The following GATA5 variants were observed in gnomAD, a reference collection of about 807,000 sequenced individuals.
GATA5 encodes transcription factor GATA-5.
GATA5 carries 27 observed loss-of-function variants against 35.0 expected under a neutral mutation model. The observed-to-expected ratio is 0.77, with a 90% confidence interval of 0.57 to 1.06. The LOEUF is 1.06. GATA5 is among the 50% of genes least tolerant of loss of function. GATA5 has a pLI of 0.00. For missense variants in GATA5, 612 were observed against 580.0 expected (o/e 1.06, Z -0.57); for synonymous variants, 306 against 267.8 (o/e 1.14, Z -1.39).
rs1989700959 is a variant in GATA5, at chr20:62,470,750, G to C, written c.699+2653C>G. Among the ~76,000 whole-genome samples, 1 of 152,178 alleles carries C rather than the reference G, an allele frequency of 6.6e-6. No homozygotes were observed. Among genetic ancestry groups the C allele is most frequent in the African/African-American group, 2.4e-5 (1 of 41,434 alleles). ...TTCAGCCGAGGCTTCAGTGTTCTTG[G>C]GGGTGGGCTGCTTGGGGCCCAAGAG... On this transcript the variant is annotated intron_variant, in intron 3 of 6. Transcript: ENST00000252997. The surrounding 1 kb of genome is among the most constrained non-coding windows in gnomAD (Gnocchi z 4.6).
chr20:62,473,320 T>A, intron 3 of GATA5, 83 bp downstream of exon 3: 1 of 1,448,796 alleles, frequency 6.9e-7, no homozygotes, highest in Non-Finnish European at 9.4e-7. Context: ...CCCCAGGGGC[T>A]CTGGTGTCAC....
chr20:62,467,622 G>C (rs1555896209), intron 3 of GATA5, among the ~76,000 whole-genome samples: 1 of 152,196 alleles, frequency 6.6e-6, no homozygotes, highest in African/African-American at 2.4e-5. Flanking sequence ...GGCCTCTCTT[G>C]CCAGGATCAC....
intron 2 of GATA5, among the ~76,000 whole-genome samples, chr20:62,474,406 G>A (rs902719228): frequency 6.6e-6 from 1 of 152,252 alleles, no homozygotes; most frequent in African/African-American, 2.4e-5. Flanking sequence ...CCAAAGGGCC[G>A]GCGGGGTCCC....
chr20:62,468,723 G>A (rs985126271), intron 3 of GATA5, among the ~76,000 whole-genome samples: 1 of 152,246 alleles, frequency 6.6e-6, no homozygotes, highest in Non-Finnish European at 1.5e-5. Flanking sequence ...CTCCCACCCT[G>A]GGCCAACAGC....
At chr20:62,466,400 C>T (rs782072435) in intron 4 of GATA5, 26 bp downstream of exon 4, 138 of 1,559,002 alleles carry the variant, frequency 8.9e-5, no homozygotes, top group Non-Finnish European at 1.1e-4. Flanking sequence ...GAGGCCTCCC[C>T]GCCCTGCCCC....
intron 3 of GATA5, among the ~76,000 whole-genome samples, chr20:62,469,807 T>C (rs1989679112): frequency 1.3e-5 from 2 of 152,160 alleles, no homozygotes; most frequent in Non-Finnish European, 2.9e-5. Context: ...ATTGTACGAG[T>C]GGGAGGCTGA....
At chr20:62,474,023 C>G (rs1482779307) in intron 2 of GATA5, among the ~76,000 whole-genome samples, 1 of 151,450 alleles carries the variant, frequency 6.6e-6, no homozygotes, top group Non-Finnish European at 1.5e-5. Flanking sequence ...CCCCTGGGCT[C>G]TCCTGGGAAC....
chr20:62,475,114 G>A lies in GATA5; in HGVS notation c.408C>T (p.Thr136=). 7.2e-7 allele frequency: 1 copy of A among 1,384,502 alleles called. No individual in the cohort carries two copies. The highest frequency in any genetic ancestry group is 9.4e-7 in the Non-Finnish European group (1 of 1,066,022). The allele number at this position is 1,384,502 out of a possible 1,614,324, so 85.8% of individuals were successfully genotyped here. The change falls in exon 2 of 7, where the codon ACC becomes ACT. Residue 136 remains threonine, a synonymous_variant. Transcript: ENST00000252997. Reference sequence around the variant, plus strand: ...AGGCCGGGTAGGTGGCGGAGTACGAGGTCCCCACCGGCCGCCCAAGCGGGG... The same window carrying A: ...AGGCCGGGTAGGTGGCGGAGTACGAAGTCCCCACCGGCCGCCCAAGCGGGG... ...FAAPLGRPVG[T]SYSATYPAYV...
intron 3 of GATA5, among the ~76,000 whole-genome samples, chr20:62,469,393 C>T (rs978467041): frequency 1.3e-5 from 2 of 152,222 alleles, no homozygotes; most frequent in Non-Finnish European, 2.9e-5. Flanking sequence ...ATCCATGGCC[C>T]AAGGCCCATC....
Position 62,473,408 on chromosome 20 carries a change from G to C in GATA5, c.694C>G (p.Arg232Gly), listed in dbSNP as rs114309782. ...TCTGCCCAGCCCGAACTCACCAGGC[G>C]CTTCTGAGGCCGAACGAGCGGCCGG... ...VNRPLVRPQK[R>G]LSSSRRAGLC... The change falls in exon 3 of 7, where the codon CGC (arginine) becomes GGC (glycine). Residue 232 changes from arginine to glycine, a missense_variant. Physicochemically the swap from Arg to Gly is moderately radical, Grantham distance 125. Coordinates refer to ENST00000252997, the MANE Select transcript of GATA5 (RefSeq NM_080473.5). The C allele has an allele frequency of 6.2e-7, 1 of 1,604,534 alleles. No individual in the cohort carries two copies. Among genetic ancestry groups the C allele is most frequent in the South Asian group, 1.1e-5 (1 of 89,568 alleles).
chr20:62,464,650 T>G lies in GATA5; in HGVS notation c.*186A>C, dbSNP rs950660661. ...TGAGCCCTTCCCTCACCAGCCTTCT[T>G]GCTCTGGGGCCCGACTGCCGTCTGT... On this transcript the variant is annotated 3_prime_UTR_variant, in exon 7 of 7. Coordinates refer to ENST00000252997, the MANE Select transcript of GATA5 (RefSeq NM_080473.5). 4 of 490,924 alleles carry G rather than the reference T, an allele frequency of 8.1e-6. No individual in the cohort carries two copies. Among genetic ancestry groups the G allele is most frequent in the African/African-American group, 2.0e-5 (1 of 49,486 alleles). The allele number at this position is 490,924 out of a possible 1,614,324, so 30.4% of individuals were successfully genotyped here.
rs1297080267 is a variant in GATA5, at chr20:62,473,460, G to A, written c.642C>T (p.Gly214=). The A allele has an allele frequency of 1.9e-6, 3 of 1,611,352 alleles. No homozygotes were observed. Among genetic ancestry groups the A allele is most frequent in the Non-Finnish European group, 2.5e-6 (3 of 1,179,326 alleles). ...GTGHYLCNAC[G]LYHKMNGVNR... The stretch of plus-strand genomic sequence containing the variant: ...TGACGCCATTCATCTTGTGGTAGAG[G>A]CCGCAGGCATTGCACAGGTAGTGGC... Residue 214 remains glycine (G), a synonymous_variant, in exon 3 of 7, where the codon GGC becomes GGT. Transcript: ENST00000252997.
intron 3 of GATA5, among the ~76,000 whole-genome samples, chr20:62,471,149 C>A (rs781854615): frequency 9.2e-5 from 14 of 152,114 alleles, no homozygotes; most frequent in Non-Finnish European, 1.6e-4. Context: ...ACAGGTATTG[C>A]CCGGCTGGAA....
rs112433432 is a variant in GATA5, at chr20:62,475,045, G to A, written c.477C>T (p.Phe159=). 7 of 1,406,370 alleles carry A rather than the reference G, an allele frequency of 5.0e-6. No individual in the cohort carries two copies. Among genetic ancestry groups the A allele is most frequent in the Non-Finnish European group, 2.8e-6 (3 of 1,074,578 alleles). The allele number at this position is 1,406,370 out of a possible 1,614,324, so 87.1% of individuals were successfully genotyped here. A position where few individuals can be genotyped will look rare whatever the true frequency, so the allele number is the denominator to read the frequency against. Reference sequence around the variant, plus strand: ...GGAGGCCGTGCAGGACGCTGCCATCGAAGGGCCCGGCAGTCCAGGACTGGG... The same window carrying A: ...GGAGGCCGTGCAGGACGCTGCCATCAAAGGGCCCGGCAGTCCAGGACTGGG... ...DVAQSWTAGP[F]DGSVLHGLPG... is the part of the protein sequence containing the mutation. Residue 159 remains phenylalanine, a synonymous_variant, in exon 2 of 7, where the codon TTC becomes TTT. Coordinates refer to ENST00000252997, the MANE Select transcript of GATA5 (RefSeq NM_080473.5).
intron 2 of GATA5, 39 bp from the exon 3 acceptor site, chr20:62,473,617 T>A: frequency 6.5e-7 from 1 of 1,540,554 alleles, no homozygotes; most frequent in Non-Finnish European, 8.8e-7. Context: ...GGCCCTCCCC[T>A]CCCCAGGATC....
chr20:62,465,007 A>G lies in GATA5; in HGVS notation c.1039-16T>C. On this transcript the variant is annotated splice_polypyrimidine_tract_variant and intron_variant, in intron 6 of 6. Coordinates refer to ENST00000252997, the MANE Select transcript of GATA5 (RefSeq NM_080473.5). ...GGCCAGAGGCCTGCAGGGACAGGAG[A>G]GCGTGAGAATGTGGGGTGGGGCGTG... 8.4e-7 allele frequency: 1 copy of G among 1,189,830 alleles called. No individual in the cohort carries two copies. The highest frequency in any genetic ancestry group is 1.1e-6 in the Non-Finnish European group (1 of 912,398). The allele number at this position is 1,189,830 out of a possible 1,614,324, so 73.7% of individuals were successfully genotyped here. A position where few individuals can be genotyped will look rare whatever the true frequency, so the allele number is the denominator to read the frequency against.
Position 62,475,088 on chromosome 20 carries a change from T to C in GATA5, c.434A>G (p.Tyr145Cys). ...GTSYSATYPAYVSPDVAQSWT... is the reference protein window; with the variant it reads ...GTSYSATYPACVSPDVAQSWT... ...GGACTGGGCCACGTCGGGGCTCACG[T>C]AGGCCGGGTAGGTGGCGGAGTACGA... The change falls in exon 2 of 7, where the codon TAC becomes TGC. Residue 145 changes from tyrosine to cysteine, a missense_variant. By Grantham distance (194) the Tyr-to-Cys change is radical. Coordinates refer to ENST00000252997, the MANE Select transcript of GATA5 (RefSeq NM_080473.5). 7.1e-7 allele frequency: 1 copy of C among 1,405,250 alleles called. No homozygotes were observed. The highest frequency in any genetic ancestry group is 9.3e-7 in the Non-Finnish European group (1 of 1,075,652). 87.0% of individuals were successfully genotyped at this position (1,405,250 alleles called of 1,614,324 possible).
At position 62,465,852 on chromosome 20, in the gene GATA5, T is replaced by A; in HGVS notation, c.895A>T (p.Lys299Ter). The A allele has an allele frequency of 6.3e-7, 1 of 1,592,892 alleles. No homozygotes were observed. Among genetic ancestry groups the A allele is most frequent in the South Asian group, 1.1e-5 (1 of 87,424 alleles). The change falls in exon 5 of 7, where the codon AAG becomes TAG. Residue 299 changes from lysine (K) to a stop codon, truncating the protein, a stop_gained. Transcript: ENST00000252997. LOFTEE classifies it high-confidence loss of function. ...CACGCACCTGAGGAGCCCCTGGCCT[T>A]GGCGATGGTCTTTGGCTTCCGCTTC... ...TRKRKPKTIA[K>*]ARGSSGSTRN...
At chr20:62,473,605 C>T (rs566244361) in intron 2 of GATA5, 27 bp from the exon 3 acceptor site, 25 of 1,559,678 alleles carry the variant, frequency 1.6e-5, no homozygotes, top group Middle Eastern at 1.7e-4. Context: ...CTGGTGGGCC[C>T]GGGCCCTCCC....
Sources: allele counts gnomAD v4.1 joint callset (sites outside exome capture counted in the v4.1 genomes callset), GRCh38; gene constraint gnomAD v4.1.1; non-coding constraint Gnocchi (gnomAD v3.1); transcripts MANE v1.5; gene names NCBI Gene and HGNC (gene_info 2026-07-23, HGNC 2026-07-21).